HIPK2: variants seen among roughly 807,000 people sequenced by gnomAD.
HIPK2 encodes homeodomain interacting protein kinase 2, also known as homeodomain-interacting protein kinase 2.
Under a neutral mutation model 113.7 loss-of-function variants are expected in HIPK2, and 27 were observed. The ratio of observed to expected loss-of-function variants is 0.24; its 90% CI spans 0.17 to 0.33. The LOEUF (loss-of-function observed/expected upper bound fraction) is 0.33. Ranked by LOEUF, HIPK2 falls within the 10% of genes least tolerant of loss-of-function variation. The pLI, the probability that HIPK2 is intolerant of heterozygous loss-of-function variation, is 1.00. For missense variants in HIPK2, 1,257 were observed against 1,588.0 expected (o/e 0.79, Z 3.54); for synonymous variants, 631 against 642.2 (o/e 0.98, Z 0.26).
At chr7:139,657,763 T>C (rs1426874812) in intron 2 of HIPK2, among the ~76,000 whole-genome samples, 9 of 152,226 alleles carry the variant, frequency 5.9e-5, no homozygotes, top group Non-Finnish European at 1.2e-4. Flanking sequence ...AGCTTCTTGA[T>C]TAAAACAAAA....
chr7:139,777,794 G>C lies in HIPK2; in HGVS notation c.-171C>G. 2.0e-6 allele frequency: 1 copy of C among 490,864 alleles called. No homozygotes were observed. The highest frequency in any genetic ancestry group is 2.6e-6 in the Non-Finnish European group (1 of 380,140). The allele number at this position is 490,864 out of a possible 1,614,324, so 30.4% of individuals were successfully genotyped here. A position where few individuals can be genotyped will look rare whatever the true frequency, so the allele number is the denominator to read the frequency against. On this transcript the variant is annotated 5_prime_UTR_variant, in exon 1 of 15. Transcript: ENST00000406875. ...GCCTCCCGTGGCCGGCGCCGGGGGA[G>C]GGGGCCGGGCGCGCCGCCGCCGCCG... is the stretch of plus-strand genomic sequence containing the variant.
chr7:139,677,568 CT>C (rs1802546905), intron 2 of HIPK2, among the ~76,000 whole-genome samples: 2 of 152,100 alleles, frequency 1.3e-5, no homozygotes, highest in African/African-American at 4.8e-5. Context: ...CATGAAGCCA[CT>C]TTTCTATTAT....
intron 11 of HIPK2, among the ~76,000 whole-genome samples, chr7:139,598,835 G>A (rs980145526): frequency 6.6e-6 from 1 of 152,240 alleles, no homozygotes; most frequent in African/African-American, 2.4e-5. Flanking sequence ...GACAGCCCAT[G>A]AGGATTGAGA....
intron 2 of HIPK2, among the ~76,000 whole-genome samples, chr7:139,693,060 G>C (rs1405873930): frequency 6.7e-6 from 1 of 148,444 alleles, no homozygotes; most frequent in South Asian, 2.1e-4. Context: ...CTAACCCCAA[G>C]AGGAACAGAG....
intron 1 of HIPK2, among the ~76,000 whole-genome samples, chr7:139,760,531 A>G (rs1395244559): frequency 6.6e-6 from 1 of 152,250 alleles, no homozygotes; most frequent in Non-Finnish European, 1.5e-5. Flanking sequence ...AACAAAAATT[A>G]CAAAGAAGTA....
chr7:139,765,135 C>CAAA (rs113415401), intron 1 of HIPK2, among the ~76,000 whole-genome samples: 1 of 130,532 alleles, frequency 7.7e-6, no homozygotes, highest in African/African-American at 2.7e-5. Context: ...GACTCTGTCT[C>CAAA]AAAAAAAAAA....
At position 139,565,547 on chromosome 7, in the gene HIPK2, T is replaced by C. The variant is rs746225497; in HGVS notation, c.*7380A>G. On this transcript the variant is annotated 3_prime_UTR_variant, in exon 15 of 15. Coordinates refer to ENST00000406875, the MANE Select transcript of HIPK2 (RefSeq NM_022740.5). ...AAATAAAAATGCATCTGTATTTCTG[T>C]TAATCTCATACCAGGGCAAGAGACA... 3.3e-5 allele frequency: 5 copies of C among 152,238 alleles called. No homozygotes were observed. The highest frequency in any genetic ancestry group is 7.3e-5 in the Non-Finnish European group (5 of 68,036). 9.4% of individuals were successfully genotyped at this position (152,238 alleles called of 1,614,324 possible). A position where few individuals can be genotyped will look rare whatever the true frequency, so the allele number is the denominator to read the frequency against.
chr7:139,723,759 C>A (rs1795488241), intron 1 of HIPK2, among the ~76,000 whole-genome samples: 1 of 152,138 alleles, frequency 6.6e-6, no homozygotes, highest in Admixed American at 6.5e-5. Flanking sequence ...TGAATTCTAG[C>A]AAAGCTCAAG....
intron 1 of HIPK2, among the ~76,000 whole-genome samples, chr7:139,758,322 C>A (rs1456315121): frequency 6.6e-6 from 1 of 152,090 alleles, no homozygotes; most frequent in Non-Finnish European, 1.5e-5. Context: ...ACTCCCAGAC[C>A]TATAGGAACT....
At chr7:139,663,081 T>C (rs1342263996) in intron 2 of HIPK2, among the ~76,000 whole-genome samples, 1 of 152,156 alleles carries the variant, frequency 6.6e-6, no homozygotes, top group Admixed American at 6.5e-5. Flanking sequence ...GTCCATGACC[T>C]TCGACACTAA....
rs1798323665 is a variant in HIPK2 at position 139,572,736 on chromosome 7, G to C, written c.*191C>G. On this transcript the variant is annotated 3_prime_UTR_variant, in exon 15 of 15. Coordinates refer to ENST00000406875, the MANE Select transcript of HIPK2 (RefSeq NM_022740.5). ...CCCACTTCCCGGTTCAAGTTTCACT[G>C]GTGTCCCGACCCGTCCCCCTGCCCT... The C allele has an allele frequency of 4.0e-6, 2 of 504,178 alleles. No homozygotes were observed. The highest frequency in any genetic ancestry group is 6.2e-5 in the East Asian group (2 of 32,450). The allele number at this position is 504,178 out of a possible 1,614,324, so 31.2% of individuals were successfully genotyped here.
At chr7:139,698,910 C>G (rs1237193809) in intron 2 of HIPK2, among the ~76,000 whole-genome samples, 1 of 152,144 alleles carries the variant, frequency 6.6e-6, no homozygotes, top group Non-Finnish European at 1.5e-5. Flanking sequence ...TATTATACCA[C>G]AGATTTTACA....
In HIPK2 at chr7:139,716,555, C is replaced by T. The variant is rs200543999; in HGVS notation, c.480G>A (p.Gly160=). The T allele has an allele frequency of 1.8e-4, 298 of 1,613,924 alleles. 1 individual carries two copies. The South Asian group carries it at 3.0e-3, about 16-fold the overall frequency. The part of the protein sequence containing the change: ...HPPMIQNNAS[G]ATVATATTST... ...ACGTGGTGGCAGTGGCGACAGTGGC[C>T]CCGCTTGCATTATTCTGAATCATGG... The change falls in exon 2 of 15, where the codon GGG becomes GGA. Residue 160 remains glycine, a synonymous_variant. Transcript: ENST00000406875. The surrounding 1 kb of genome is among the most constrained non-coding windows in gnomAD (Gnocchi z 9.3).
At chr7:139,662,628 T>C (rs969727438) in intron 2 of HIPK2, among the ~76,000 whole-genome samples, 1 of 151,448 alleles carries the variant, frequency 6.6e-6, no homozygotes, top group Non-Finnish European at 1.5e-5. Flanking sequence ...TTTTTTTTTT[T>C]TTTTTTTTTG....
intron 1 of HIPK2, among the ~76,000 whole-genome samples, chr7:139,754,827 A>G (rs1175836097): frequency 6.6e-6 from 1 of 152,134 alleles, no homozygotes; most frequent in Non-Finnish European, 1.5e-5. Context: ...GAAAGCTAGG[A>G]GGGGCTTCCA....
At chr7:139,759,102 CCAA>C (rs1369458609) in intron 1 of HIPK2, among the ~76,000 whole-genome samples, 2 of 152,006 alleles carry the variant, frequency 1.3e-5, no homozygotes, top group Non-Finnish European at 2.9e-5. Flanking sequence ...AAGAAAAAGA[CCAA>C]CAACATAGTG....
chr7:139,768,218 T>C (rs1193458090), intron 1 of HIPK2, among the ~76,000 whole-genome samples: 1 of 152,200 alleles, frequency 6.6e-6, no homozygotes, highest in Non-Finnish European at 1.5e-5. Flanking sequence ...GCAAGCTCAC[T>C]CCCTAGTTTG....
At position 139,571,088 on chromosome 7, in the gene HIPK2, A is replaced by C. The variant is rs904180278; in HGVS notation, c.*1839T>G. The stretch of plus-strand genomic sequence containing the variant: ...CAGCGTCAGACCCCCGGCCACCCTC[A>C]TAAGTGTCCCTCCAACCTTCTGCCC... On this transcript the variant is annotated 3_prime_UTR_variant, in exon 15 of 15. Coordinates refer to ENST00000406875, the MANE Select transcript of HIPK2 (RefSeq NM_022740.5). 6.6e-6 allele frequency: 1 copy of C among 152,296 alleles called. No homozygotes were observed. The highest frequency in any genetic ancestry group is 2.4e-5 in the African/African-American group (1 of 41,456). 9.4% of individuals were successfully genotyped at this position (152,296 alleles called of 1,614,324 possible).
chr7:139,587,590 G>C (rs1236576545), intron 12 of HIPK2, among the ~76,000 whole-genome samples: 1 of 151,938 alleles, frequency 6.6e-6, no homozygotes, highest in African/African-American at 2.4e-5. Flanking sequence ...GGGTGGGAGG[G>C]CACTGAGATC....
Sources: gnomAD v4.1 joint callset for allele counts (sites outside exome capture counted in the v4.1 genomes callset) on GRCh38, gnomAD v4.1.1 for gene constraint, Gnocchi (gnomAD v3.1) non-coding constraint, MANE v1.5 for transcripts, NCBI Gene and HGNC (gene_info 2026-07-23, HGNC 2026-07-21) for gene names.